DIP2C: variants seen among roughly 807,000 people sequenced by gnomAD.
DIP2C encodes disco-interacting protein 2 homolog C.
A neutral mutation model predicts 192.4 loss-of-function variants in DIP2C; 33 were observed. That is an observed-to-expected ratio of 0.17 (90% CI 0.13 to 0.23). The LOEUF is 0.23. DIP2C is among the 10% of genes least tolerant of loss of function. The pLI, the probability that DIP2C is intolerant of heterozygous loss-of-function variation, is 1.00. For missense variants in DIP2C, 1,537 were observed against 2,110.1 expected (o/e 0.73, Z 5.32); for synonymous variants, 979 against 864.1 (o/e 1.13, Z -2.33).
Position 274,852 on chromosome 10 carries a change from GACAA to G in DIP2C, c.*2469_*2472del, listed in dbSNP as rs1389226557. On this transcript the variant is annotated 3_prime_UTR_variant, in exon 37 of 37. Transcript: ENST00000280886. ...TGACTTCAAAAGCACAAGGTCACAA[GACAA>G]ACATTTTTTACAATCTCATGAATGA... 3.3e-5 allele frequency: 5 copies of G among 152,322 alleles called. No individual in the cohort carries two copies. The East Asian group carries it at 5.8e-4, about 18-fold the overall frequency. The allele number at this position is 152,322 out of a possible 1,614,324, so 9.4% of individuals were successfully genotyped here.
At chr10:495,130 A>C (rs1844724471) in intron 1 of DIP2C, among the ~76,000 whole-genome samples, 1 of 152,258 alleles carries the variant, frequency 6.6e-6, no homozygotes, top group Non-Finnish European at 1.5e-5. Flanking sequence ...AGGCACAGAA[A>C]TACAAATACT....
At chr10:452,319 G>A (rs962580700) in intron 3 of DIP2C, among the ~76,000 whole-genome samples, 7 of 152,152 alleles carry the variant, frequency 4.6e-5, no homozygotes, top group Non-Finnish European at 8.8e-5. Context: ...ATGATAACGG[G>A]ATAGCGCTAA....
chr10:657,120 G>GCTGGACCTGCCA (rs1196149308), intron 1 of DIP2C, among the ~76,000 whole-genome samples: 1 of 139,116 alleles, frequency 7.2e-6, no homozygotes, highest in Non-Finnish European at 1.6e-5. Flanking sequence ...CGGACCTGCC[G>GCTGGACCTGCCA]CTGGACCTGC....
At chr10:398,539 C>A (rs569850055) in intron 10 of DIP2C, among the ~76,000 whole-genome samples, 1 of 152,224 alleles carries the variant, frequency 6.6e-6, no homozygotes. Context: ...CCTGGGCACA[C>A]GTTCTCAGGA....
chr10:488,206 C>A (rs754405016), intron 1 of DIP2C, among the ~76,000 whole-genome samples: 16 of 152,070 alleles, frequency 1.1e-4, no homozygotes, highest in Admixed American at 5.2e-4. Flanking sequence ...ACTTCCATGC[C>A]CCGCATTTTC....
intron 1 of DIP2C, among the ~76,000 whole-genome samples, chr10:524,754 C>G (rs1407250653): frequency 2.6e-5 from 4 of 152,056 alleles, no homozygotes; most frequent in African/African-American, 9.7e-5. Flanking sequence ...TTGAATACTT[C>G]CAACAATAAT....
intron 1 of DIP2C, among the ~76,000 whole-genome samples, chr10:575,811 C>T (rs978418140): frequency 2.6e-5 from 4 of 152,182 alleles, no homozygotes; most frequent in African/African-American, 7.2e-5. Context: ...AACTAGGAAG[C>T]GCAAGGAGCC....
At position 358,878 on chromosome 10, in the gene DIP2C, A is replaced by G. The variant is rs540762844; in HGVS notation, c.2795-941T>C. ...GAGCAGAGGAAGCAGGGAGAGTAAA[A>G]GAATGTTTACCAAAAGAATTGCAGG... is the stretch of plus-strand genomic sequence containing the variant. On this transcript the variant is annotated intron_variant, in intron 22 of 36. Transcript: ENST00000280886. Among the ~76,000 whole-genome samples, 53 of 150,712 alleles carry G rather than the reference A, an allele frequency of 3.5e-4. No individual in the cohort carries two copies. In the Middle Eastern group the frequency reaches 0.017, roughly 48 times the overall value.
chr10:359,307 G>C (rs2132701113), intron 22 of DIP2C, among the ~76,000 whole-genome samples: 1 of 152,306 alleles, frequency 6.6e-6, no homozygotes, highest in South Asian at 2.1e-4. Context: ...TCAAATGCAG[G>C]CTGCCAGAAA....
At chr10:600,672 G>A (rs1852010106) in intron 1 of DIP2C, among the ~76,000 whole-genome samples, 1 of 152,196 alleles carries the variant, frequency 6.6e-6, no homozygotes, top group African/African-American at 2.4e-5. Context: ...GGCCCAGGGT[G>A]TGTGGATATT....
At chr10:340,960 C>A (rs1269697271) in intron 29 of DIP2C, 2 of 627,266 alleles carry the variant, frequency 3.2e-6, no homozygotes, top group Non-Finnish European at 3.0e-6. Context: ...TAAAGGTCCG[C>A]AACAGACGGC....
chr10:561,800 G>A (rs930611508), intron 1 of DIP2C, among the ~76,000 whole-genome samples: 7 of 152,318 alleles, frequency 4.6e-5, no homozygotes, highest in African/African-American at 1.4e-4. Flanking sequence ...TTTCGCCATT[G>A]TGAAGGCAAA....
chr10:356,899 T>C (rs899329891), intron 23 of DIP2C, among the ~76,000 whole-genome samples: 3 of 152,194 alleles, frequency 2.0e-5, no homozygotes, highest in African/African-American at 7.2e-5. Flanking sequence ...GCAAAGCGGA[T>C]TTTGGTGGCT....
intron 1 of DIP2C, among the ~76,000 whole-genome samples, chr10:550,070 C>T (rs1180577457): frequency 1.4e-5 from 2 of 147,594 alleles, no homozygotes; most frequent in East Asian, 2.0e-4. Context: ...AGTGCAGTAT[C>T]ACAATCTCAG....
At chr10:620,116 C>A (rs1017069150) in intron 1 of DIP2C, among the ~76,000 whole-genome samples, 1 of 152,168 alleles carries the variant, frequency 6.6e-6, no homozygotes, top group Non-Finnish European at 1.5e-5. Flanking sequence ...AATGTATTTA[C>A]GGAGGACGCC....
At chr10:317,106 A>G (rs531760270) in intron 31 of DIP2C, among the ~76,000 whole-genome samples, 1 of 152,294 alleles carries the variant, frequency 6.6e-6, no homozygotes, top group South Asian at 2.1e-4. Context: ...CAAAAATCAC[A>G]TTGAGCTTGT....
chr10:688,264 G>A (rs1831404487), intron 1 of DIP2C, among the ~76,000 whole-genome samples: 1 of 152,074 alleles, frequency 6.6e-6, no homozygotes, highest in African/African-American at 2.4e-5. Context: ...ACTGTGTCAC[G>A]TTACAGGACA....
chr10:389,455 C>T (rs915073042), intron 13 of DIP2C, among the ~76,000 whole-genome samples: 4 of 152,168 alleles, frequency 2.6e-5, no homozygotes, highest in Admixed American at 2.0e-4. Flanking sequence ...AAACACATCA[C>T]GAGCACCAAT....
rs1477399124 is a variant in DIP2C, at chr10:276,661, T to C, written c.*664A>G. The C allele has an allele frequency of 1.3e-5, 2 of 152,732 alleles. No homozygotes were observed. Among genetic ancestry groups the C allele is most frequent in the Non-Finnish European group, 1.5e-5 (1 of 68,088 alleles). The allele number at this position is 152,732 out of a possible 1,614,324, so 9.5% of individuals were successfully genotyped here. On this transcript the variant is annotated 3_prime_UTR_variant, in exon 37 of 37. Coordinates refer to ENST00000280886, the MANE Select transcript of DIP2C (RefSeq NM_014974.3). ...TCTTTTTAGTTTAGTACAAAGATAT[T>C]TGCAAGATAATTGCCGAAATACACC...
Sources: allele counts gnomAD v4.1 joint callset (sites outside exome capture counted in the v4.1 genomes callset), GRCh38; gene constraint gnomAD v4.1.1; transcripts MANE v1.5; gene names NCBI Gene and HGNC (gene_info 2026-07-23, HGNC 2026-07-21).